Variants in TANC1 observed in about 807,000 individuals in gnomAD.
The protein encoded by TANC1 is protein TANC1.
TANC1 carries 77 observed loss-of-function variants against 149.7 expected under a neutral mutation model. The observed-to-expected ratio is 0.51, with a 90% CI of 0.43 to 0.62. The LOEUF is 0.62. TANC1 is among the 20% of genes least tolerant of loss of function. The probability of loss-of-function intolerance (pLI) is 0.00; values close to 1 mark genes in which losing one functional copy is unlikely to be tolerated. For synonymous variants in TANC1, 854 were observed against 925.0 expected (o/e 0.92, Z 1.39); for missense variants, 1,985 against 2,321.8 (o/e 0.85, Z 2.98).
intron 2 of TANC1, among the ~76,000 whole-genome samples, chr2:159,051,644 G>A (rs1376016844): frequency 2.4e-5 from 3 of 127,256 alleles, no homozygotes. Context: ...TTTAGTTGAA[G>A]TGGTGTTTGT....
At chr2:159,069,653 G>A (rs2042968488) in intron 3 of TANC1, among the ~76,000 whole-genome samples, 1 of 151,916 alleles carries the variant, frequency 6.6e-6, no homozygotes, top group Admixed American at 6.6e-5. Context: ...GAGCCACACT[G>A]GAAGTTAGTA....
intron 4 of TANC1, among the ~76,000 whole-genome samples, chr2:159,119,188 A>G (rs2048598724): frequency 6.6e-6 from 1 of 152,202 alleles, no homozygotes; most frequent in Admixed American, 6.5e-5. Flanking sequence ...TTTTGTACAC[A>G]TGCGTAAGAG....
intron 1 of TANC1, among the ~76,000 whole-genome samples, chr2:158,981,311 T>A (rs988418733): frequency 4.6e-5 from 7 of 150,568 alleles, no homozygotes; most frequent in African/African-American, 1.7e-4. Context: ...AAAAATCATC[T>A]GGGTATGGTG....
At chr2:159,080,565 A>G (rs1384575060) in intron 3 of TANC1, among the ~76,000 whole-genome samples, 2 of 152,156 alleles carry the variant, frequency 1.3e-5, no homozygotes, top group South Asian at 2.1e-4. Flanking sequence ...TATATTTCCT[A>G]TGTAAAATCT....
chr2:159,003,147 GT>G (rs1438368303), intron 2 of TANC1, among the ~76,000 whole-genome samples: 3 of 152,320 alleles, frequency 2.0e-5, no homozygotes, highest in African/African-American at 7.2e-5. Flanking sequence ...GCTTTTCATA[GT>G]TTATTTCAAG....
Position 159,202,315 on chromosome 2 carries a change from T to A in TANC1, c.3244+3262T>A, listed in dbSNP as rs1205644803. Reference sequence around the variant, plus strand: ...TGTTAGGTTGAAGGAGACAAGAAAATGTACAATAGAATTTTAAGACGTTCA... The same window carrying A: ...TGTTAGGTTGAAGGAGACAAGAAAAAGTACAATAGAATTTTAAGACGTTCA... On this transcript the variant is annotated intron_variant, in intron 19 of 26. Transcript: ENST00000263635. 3.3e-5 allele frequency among the ~76,000 whole-genome samples: 5 copies of A among 152,164 alleles called. No homozygotes were observed. The East Asian group carries it at 7.7e-4, about 24-fold the overall frequency.
chr2:159,146,693 A>G (rs1039624604), intron 5 of TANC1, among the ~76,000 whole-genome samples: 4 of 152,212 alleles, frequency 2.6e-5, no homozygotes, highest in Admixed American at 6.5e-5. Context: ...GGCATCTGCC[A>G]CTACGCCCAG....
rs541297769 is a variant in TANC1 at position 159,192,232 on chromosome 2, C to A, written c.2743-2025C>A. Among the ~76,000 whole-genome samples the A allele has an allele frequency of 7.2e-4, 109 of 152,234 alleles. 1 individual carries two copies. Among genetic ancestry groups the A allele is most frequent in the African/African-American group, 2.6e-3 (106 of 41,538 alleles). ...GTGGACATTTCCATATTTTCTGTTT[C>A]TTTTAGGAACACATCCCTATAAAGT... On this transcript the variant is annotated intron_variant, in intron 16 of 26. Transcript: ENST00000263635.
intron 2 of TANC1, among the ~76,000 whole-genome samples, chr2:159,057,698 A>G (rs1234561652): frequency 1.3e-5 from 2 of 152,242 alleles, no homozygotes; most frequent in Non-Finnish European, 2.9e-5. Context: ...ATTGGAAAAC[A>G]AATACTTTGC....
intron 19 of TANC1, among the ~76,000 whole-genome samples, chr2:159,216,531 T>C (rs564857329): frequency 1.3e-5 from 2 of 152,294 alleles, no homozygotes; most frequent in East Asian, 3.9e-4. Flanking sequence ...ACAATGATTC[T>C]TGCGATGAGC....
At chr2:158,989,713 G>C (rs948476310) in intron 1 of TANC1, among the ~76,000 whole-genome samples, 2 of 151,854 alleles carry the variant, frequency 1.3e-5, no homozygotes, top group African/African-American at 4.8e-5. Context: ...TGCCCTTAGA[G>C]TATCCATAAT....
chr2:159,170,449 C>T, intron 9 of TANC1, 75 bp from the exon 10 acceptor site: 4 of 1,361,166 alleles, frequency 2.9e-6, no homozygotes, highest in Non-Finnish European at 4.0e-6. Flanking sequence ...GTGTAACACA[C>T]AAGCAATAAT....
At chr2:159,220,430 C>G (rs1349619583) in intron 22 of TANC1, among the ~76,000 whole-genome samples, 1 of 151,106 alleles carries the variant, frequency 6.6e-6, no homozygotes, top group African/African-American at 2.4e-5. Flanking sequence ...GCCTCAGCCT[C>G]CTGAGTAGCT....
At chr2:159,218,615 A>G (rs2059495244) in intron 20 of TANC1, among the ~76,000 whole-genome samples, 2 of 152,304 alleles carry the variant, frequency 1.3e-5, no homozygotes, top group East Asian at 3.9e-4. Context: ...GATGGTGGTG[A>G]TGGGATACCC....
chr2:159,219,134 A>C (rs10490005), intron 20 of TANC1, 104 bp from the exon 21 acceptor site: 55,748 of 1,466,976 alleles, frequency 0.038, 3,614 homozygotes, highest in East Asian at 0.24. Context: ...GATTTTTGAA[A>C]GAAAGTCATT....
At chr2:159,174,299 A>G (rs1165617509) in intron 11 of TANC1, among the ~76,000 whole-genome samples, 1 of 152,080 alleles carries the variant, frequency 6.6e-6, no homozygotes, top group Non-Finnish European at 1.5e-5. Context: ...TTTTCCTCTC[A>G]GTACCTGGGC....
At chr2:159,015,069 T>C (rs1445829189) in intron 2 of TANC1, among the ~76,000 whole-genome samples, 1 of 152,240 alleles carries the variant, frequency 6.6e-6, no homozygotes, top group Non-Finnish European at 1.5e-5. Flanking sequence ...GTGTGGGGGC[T>C]CTGACCCCAC....
chr2:159,100,123 T>A (rs759362943), intron 4 of TANC1, among the ~76,000 whole-genome samples: 3 of 152,232 alleles, frequency 2.0e-5, no homozygotes, highest in Non-Finnish European at 4.4e-5. Flanking sequence ...TAATGCCAAG[T>A]GCAGAGATTT....
chr2:159,074,330 CA>C (rs1362598590), intron 3 of TANC1, among the ~76,000 whole-genome samples: 3 of 152,140 alleles, frequency 2.0e-5, no homozygotes, highest in Non-Finnish European at 2.9e-5. Context: ...AGATTTGGTA[CA>C]TGGTGATGAT....
Sources: gnomAD v4.1 joint callset for allele counts (sites outside exome capture counted in the v4.1 genomes callset) on GRCh38, gnomAD v4.1.1 for gene constraint, MANE v1.5 for transcripts, NCBI Gene and HGNC (gene_info 2026-07-23, HGNC 2026-07-21) for gene names.